TMEM108: variants seen among roughly 807,000 people sequenced by gnomAD.
The protein encoded by TMEM108 is cancer/testis antigen 124.
TMEM108 carries 12 observed loss-of-function variants against 35.1 expected under a neutral mutation model. That is an observed-to-expected ratio of 0.34 (90% CI 0.22 to 0.55). The LOEUF is 0.55. Ranked by LOEUF, TMEM108 falls within the 20% of genes least tolerant of loss-of-function variation. The pLI, the probability that TMEM108 is intolerant of heterozygous loss-of-function variation, is 0.89. For missense variants in TMEM108, 680 were observed against 753.3 expected, an observed-to-expected ratio of 0.90 and a Z score of 1.14; for synonymous variants, 287 against 308.6, an observed-to-expected ratio of 0.93 and a Z score of 0.73.
chr3:133,181,494 G>A (rs1342021468), intron 2 of TMEM108, among the ~76,000 whole-genome samples: 2 of 152,064 alleles, frequency 1.3e-5, no homozygotes, highest in African/African-American at 4.8e-5. Flanking sequence ...AAATCTGCAT[G>A]GTTTTTAAAT....
intron 3 of TMEM108, among the ~76,000 whole-genome samples, chr3:133,234,194 A>G (rs1332709854): frequency 1.3e-5 from 2 of 152,026 alleles, no homozygotes; most frequent in Non-Finnish European, 2.9e-5. Flanking sequence ...TAAGTCTTTA[A>G]TCCATCTTGA....
intron 2 of TMEM108, among the ~76,000 whole-genome samples, chr3:133,050,885 C>T (rs35776606): frequency 0.12 from 18,996 of 151,978 alleles, 1,353 homozygotes; most frequent in African/African-American, 0.2. Flanking sequence ...TCTGGGTATA[C>T]CACAGTTTGT....
At chr3:133,118,098 T>C (rs1428769577) in intron 2 of TMEM108, among the ~76,000 whole-genome samples, 1 of 151,168 alleles carries the variant, frequency 6.6e-6, no homozygotes, top group African/African-American at 2.5e-5. Flanking sequence ...TAGGAGTTGG[T>C]AGAGTACTAC....
chr3:133,118,682 C>T (rs940341777), intron 2 of TMEM108, among the ~76,000 whole-genome samples: 3 of 152,138 alleles, frequency 2.0e-5, no homozygotes, highest in Admixed American at 6.6e-5. Flanking sequence ...ATCACTGTCC[C>T]AGAAGCTACT....
intron 2 of TMEM108, among the ~76,000 whole-genome samples, chr3:133,173,783 G>A (rs901035341): frequency 3.3e-5 from 5 of 152,216 alleles, no homozygotes; most frequent in South Asian, 2.1e-4. Context: ...GAAGATGGGT[G>A]ATTTCTGCAT....
chr3:133,049,268 T>G (rs781105596), intron 2 of TMEM108, among the ~76,000 whole-genome samples: 1 of 152,226 alleles, frequency 6.6e-6, no homozygotes, highest in African/African-American at 2.4e-5. Context: ...ACTAGCCACA[T>G]GTGGCTTTTT....
At chr3:133,354,361 A>G (rs190218549) in intron 3 of TMEM108, among the ~76,000 whole-genome samples, 14 of 152,114 alleles carry the variant, frequency 9.2e-5, no homozygotes, top group Admixed American at 2.0e-4. Context: ...CACCCAAGAG[A>G]CCTGGCCAGG....
chr3:133,375,853 G>A (rs1445743277), intron 3 of TMEM108, among the ~76,000 whole-genome samples: 1 of 152,124 alleles, frequency 6.6e-6, no homozygotes, highest in Non-Finnish European at 1.5e-5. Context: ...TCCTTCTGTT[G>A]CCCACTCTGT....
At chr3:133,166,522 G>A (rs758015596) in intron 2 of TMEM108, among the ~76,000 whole-genome samples, 11 of 152,050 alleles carry the variant, frequency 7.2e-5, no homozygotes, top group African/African-American at 1.4e-4. Flanking sequence ...GGACGTGTTC[G>A]GAGTTTCTTC....
intron 2 of TMEM108, among the ~76,000 whole-genome samples, chr3:133,190,488 A>C (rs1295017348): frequency 1.3e-5 from 2 of 152,232 alleles, no homozygotes; most frequent in African/African-American, 4.8e-5. Flanking sequence ...AATTAAATTA[A>C]TCTATATTGA....
intron 3 of TMEM108, among the ~76,000 whole-genome samples, chr3:133,296,966 G>A (rs1272783931): frequency 6.6e-6 from 1 of 152,100 alleles, no homozygotes; most frequent in Admixed American, 6.6e-5. Context: ...GGGGGATGGT[G>A]GTGGTCTAGT....
chr3:133,390,462 A>G (rs1441196489), intron 5 of TMEM108, 128 bp downstream of exon 5: 1 of 1,070,272 alleles, frequency 9.3e-7, no homozygotes, highest in East Asian at 2.4e-5. Context: ...TATCAATAAC[A>G]CCCAAGAGGT....
intron 3 of TMEM108, among the ~76,000 whole-genome samples, chr3:133,333,036 G>C (rs1337252867): frequency 6.6e-6 from 1 of 152,136 alleles, no homozygotes; most frequent in Non-Finnish European, 1.5e-5. Flanking sequence ...CAAGCTCTAT[G>C]TGGGTGCAGC....
At chr3:133,324,594 A>G (rs1013585773) in intron 3 of TMEM108, among the ~76,000 whole-genome samples, 2 of 152,226 alleles carry the variant, frequency 1.3e-5, no homozygotes, top group African/African-American at 4.8e-5. Context: ...TACAACCACT[A>G]TGGAAAACAG....
chr3:133,107,549 AG>A (rs1230210611), intron 2 of TMEM108, among the ~76,000 whole-genome samples: 18 of 151,500 alleles, frequency 1.2e-4, no homozygotes, highest in African/African-American at 4.4e-4. Flanking sequence ...AAAAGTGTGT[AG>A]TGGAAAAATT....
chr3:133,282,644 C>T (rs1946930871), intron 3 of TMEM108, among the ~76,000 whole-genome samples: 1 of 152,132 alleles, frequency 6.6e-6, no homozygotes, highest in Non-Finnish European at 1.5e-5. Flanking sequence ...CATTGTTTTG[C>T]TATTGTGCTT....
At chr3:133,181,138 G>T (rs1945338020) in intron 2 of TMEM108, among the ~76,000 whole-genome samples, 1 of 150,912 alleles carries the variant, frequency 6.6e-6, no homozygotes, top group Non-Finnish European at 1.5e-5. Flanking sequence ...TAAACTGTAG[G>T]CTTGAAAGTC....
chr3:133,250,067 A>T (rs1199401722), intron 3 of TMEM108, among the ~76,000 whole-genome samples: 2 of 152,164 alleles, frequency 1.3e-5, no homozygotes, highest in Non-Finnish European at 2.9e-5. Context: ...TAAACTTCAA[A>T]CAATTAAGCT....
chr3:133,372,548 A>G (rs372514254), intron 3 of TMEM108, among the ~76,000 whole-genome samples: 6 of 152,314 alleles, frequency 3.9e-5, no homozygotes, highest in East Asian at 1.9e-4. Context: ...ATGTTGGCTG[A>G]AGGCCATAGG....
Sources: allele counts gnomAD v4.1 joint callset (sites outside exome capture counted in the v4.1 genomes callset), GRCh38; gene constraint gnomAD v4.1.1; transcripts MANE v1.5; gene names NCBI Gene and HGNC (gene_info 2026-07-23, HGNC 2026-07-21).